The following CCDC71 variants were observed in gnomAD, a reference collection of about 807,000 sequenced individuals.
CCDC71 encodes the protein coiled-coil domain containing 71, also known as coiled-coil domain-containing protein 71.
For missense variants in CCDC71, 594 were observed against 604.0 expected, an observed-to-expected ratio of 0.98 and a Z score of 0.17; for synonymous variants, 257 against 242.2, an observed-to-expected ratio of 1.06 and a Z score of -0.57.
rs749539799 is a variant in CCDC71, at chr3:49,163,187, T to TTGGCCC, written c.1016_1021dup (p.Ala340_Lys341insArgAla). 2 of 1,569,320 alleles carry TTGGCCC rather than the reference T, an allele frequency of 1.3e-6. No homozygotes were observed. The highest frequency in any genetic ancestry group is 8.7e-7 in the Non-Finnish European group (1 of 1,148,018). On this transcript the variant is annotated inframe_insertion, in exon 2 of 2. Coordinates refer to ENST00000321895, the MANE Select transcript of CCDC71 (RefSeq NM_022903.4). ...TACTGCCTTGGCTTTAGCCTTGGCC[T>TTGGCCC]TGGCCCATGCTGCCATGACTTTGGC...
Position 49,164,159 on chromosome 3 carries a change from G to A in CCDC71, c.50C>T (p.Ser17Leu). Residue 17 changes from serine (S) to leucine (L), a missense_variant, in exon 2 of 2, where the codon TCG becomes TTG. Ser to Leu is a moderately radical substitution (Grantham distance 145). Coordinates refer to ENST00000321895, the MANE Select transcript of CCDC71 (RefSeq NM_022903.4). Reference sequence around the variant, plus strand: ...CTTCTTCCCTGCCGTGGAGATGCGCGACCAGGAGTGCACAGCTTTTTCCTC... The same window carrying A: ...CTTCTTCCCTGCCGTGGAGATGCGCAACCAGGAGTGCACAGCTTTTTCCTC... ...HVEEKAVHSW[S>L]RISTAGKKAL... 1.9e-6 allele frequency: 3 copies of A among 1,613,310 alleles called. No individual in the cohort carries two copies. The highest frequency in any genetic ancestry group is 2.5e-6 in the Non-Finnish European group (3 of 1,179,914).
At position 49,162,905 on chromosome 3, in the gene CCDC71, G is replaced by A; in HGVS notation, c.1304C>T (p.Ser435Phe). Residue 435 changes from serine (S) to phenylalanine (F), a missense_variant, in exon 2 of 2, where the codon TCC becomes TTC. Ser to Phe is a radical substitution (Grantham distance 155). Coordinates refer to ENST00000321895, the MANE Select transcript of CCDC71 (RefSeq NM_022903.4). ...CCGCTGCCGCACCTCATCATCCGAGGACCGCCTATCTACCTTTATGGCACG... is the reference window on the plus strand; with the variant it reads ...CCGCTGCCGCACCTCATCATCCGAGAACCGCCTATCTACCTTTATGGCACG... ...KFRAIKVDRR[S>F]SDDEVRQRAQ... 2.4e-5 allele frequency: 38 copies of A among 1,614,258 alleles called. No homozygotes were observed. Among genetic ancestry groups the A allele is most frequent in the Non-Finnish European group, 3.1e-5 (37 of 1,180,052 alleles).
chr3:49,164,998 G>GA (rs1193152926), intron 1 of CCDC71, among the ~76,000 whole-genome samples: 7 of 152,066 alleles, frequency 4.6e-5, no homozygotes, highest in Non-Finnish European at 8.8e-5. Flanking sequence ...TGGGGTGGGG[G>GA]AATCTCCCTG....
rs777888455 is a variant in CCDC71, at chr3:49,163,404, G to A, written c.805C>T (p.Arg269Ter). 4 of 1,613,974 alleles carry A rather than the reference G, an allele frequency of 2.5e-6. No individual in the cohort carries two copies. Among genetic ancestry groups the A allele is most frequent in the East Asian group, 2.2e-5 (1 of 44,876 alleles). ...CCCAGGGCAGAGCCCCCTTTCATTCGCCGGACACTGGGGGACCCAGTGGCT... is the reference window on the plus strand; with the variant it reads ...CCCAGGGCAGAGCCCCCTTTCATTCACCGGACACTGGGGGACCCAGTGGCT... ...NRATGSPSVR[R>*]MKGGSALGTK... The change falls in exon 2 of 2, where the codon CGA becomes TGA. Residue 269 changes from arginine (R) to a stop codon, truncating the protein, a stop_gained. Transcript: ENST00000321895. LOFTEE classifies it low-confidence loss of function (END_TRUNC).
In CCDC71 at chr3:49,163,973, T is replaced by C; in HGVS notation, c.236A>G (p.Asn79Ser). The C allele has an allele frequency of 6.2e-7, 1 of 1,614,092 alleles. No homozygotes were observed. Among genetic ancestry groups the C allele is most frequent in the Admixed American group, 1.7e-5 (1 of 60,016 alleles). The change falls in exon 2 of 2, where the codon AAT (asparagine) becomes AGT (serine). Residue 79 changes from asparagine to serine, a missense_variant. Coordinates refer to ENST00000321895, the MANE Select transcript of CCDC71 (RefSeq NM_022903.4). ...TTGCAGTTTCGTCTGGCTTGGGGGA[T>C]TAGCTGTGCATGAACTATAGCCATA... Reference protein sequence around the residue: ...DVYGYSSCTANPPSQTKLQAR... With the variant: ...DVYGYSSCTASPPSQTKLQAR...
chr3:49,164,935 T>C (rs1177425600), intron 1 of CCDC71, among the ~76,000 whole-genome samples: 1 of 152,220 alleles, frequency 6.6e-6, no homozygotes, highest in East Asian at 1.9e-4. Context: ...TTACACCCAC[T>C]GTCCATGCCC....
At chr3:49,165,815 G>C (rs1483767244) in intron 1 of CCDC71, among the ~76,000 whole-genome samples, 1 of 152,270 alleles carries the variant, frequency 6.6e-6, no homozygotes, top group Non-Finnish European at 1.5e-5. Flanking sequence ...CTTCCACCCA[G>C]GTTAGGCTGG....
Position 49,163,162 on chromosome 3 carries a change from T to C in CCDC71, c.1047A>G (p.Val349=), listed in dbSNP as rs764852402. 9 of 1,579,346 alleles carry C rather than the reference T, an allele frequency of 5.7e-6. No homozygotes were observed. In the Admixed American group the frequency reaches 1.4e-4, roughly 24 times the overall value. The part of the protein sequence containing the change: ...WAKAKAKAKA[V]RAKAKVARTQ... Reference sequence around the variant, plus strand: ...TCCGAGCCACCTTGGCCTTGGCCCGTACTGCCTTGGCTTTAGCCTTGGCCT... The same window carrying C: ...TCCGAGCCACCTTGGCCTTGGCCCGCACTGCCTTGGCTTTAGCCTTGGCCT... Residue 349 remains valine (V), a synonymous_variant, in exon 2 of 2, where the codon GTA becomes GTG. Coordinates refer to ENST00000321895, the MANE Select transcript of CCDC71 (RefSeq NM_022903.4).
In CCDC71 at chr3:49,163,154, T is replaced by A; in HGVS notation, c.1055A>T (p.Lys352Met). 1 of 1,613,094 alleles carries A rather than the reference T, an allele frequency of 6.2e-7. No individual in the cohort carries two copies. Among genetic ancestry groups the A allele is most frequent in the Non-Finnish European group, 8.5e-7 (1 of 1,179,082 alleles). ...AKAKAKAVRA[K>M]AKVARTQPRG... ...GGGCTGGGTCCGAGCCACCTTGGCC[T>A]TGGCCCGTACTGCCTTGGCTTTAGC... The change falls in exon 2 of 2, where the codon AAG becomes ATG. Residue 352 changes from lysine to methionine, a missense_variant. Transcript: ENST00000321895.
At position 49,164,105 on chromosome 3, in the gene CCDC71, T is replaced by G; in HGVS notation, c.104A>C (p.Asn35Thr). The change falls in exon 2 of 2, where the codon AAC (asparagine) becomes ACC (threonine). Residue 35 changes from asparagine to threonine, a missense_variant. Coordinates refer to ENST00000321895, the MANE Select transcript of CCDC71 (RefSeq NM_022903.4). The stretch of plus-strand genomic sequence containing the variant: ...GGCACTGAGATCCTGGCTCATTGGG[T>G]TAAAGACAAGCAGTGCCTCTTCCAG... ...KALEEALLVF[N>T]PMSQDLSATE... is the part of the protein sequence containing the mutation. The G allele has an allele frequency of 6.2e-7, 1 of 1,613,684 alleles. No individual in the cohort carries two copies. Among genetic ancestry groups the G allele is most frequent in the Non-Finnish European group, 8.5e-7 (1 of 1,179,908 alleles).
rs774281674 is a variant in CCDC71 at position 49,163,943 on chromosome 3, C to T, written c.266G>A (p.Arg89His). 5.0e-6 allele frequency: 8 copies of T among 1,614,006 alleles called. No individual in the cohort carries two copies. Among genetic ancestry groups the T allele is most frequent in the African/African-American group, 1.3e-5 (1 of 74,900 alleles). Residue 89 changes from arginine (R) to histidine (H), a missense_variant, in exon 2 of 2, where the codon CGT (arginine) becomes CAT (histidine). Transcript: ENST00000321895. ...NPPSQTKLQA[R>H]APNPTATSPP... is the part of the protein sequence containing the mutation. Reference sequence around the variant, plus strand: ...TGATGTGGCAGTTGGGTTAGGGGCACGAGCTTGCAGTTTCGTCTGGCTTGG... The same window carrying T: ...TGATGTGGCAGTTGGGTTAGGGGCATGAGCTTGCAGTTTCGTCTGGCTTGG...
At position 49,162,621 on chromosome 3, in the gene CCDC71, T is replaced by TG; in HGVS notation, c.*183_*184insC. 9 of 28,832 alleles carry TG rather than the reference T, an allele frequency of 3.1e-4. 2 individuals carry two copies. Among genetic ancestry groups the TG allele is most frequent in the East Asian group, 8.2e-4 (1 of 1,222 alleles). 1.8% of individuals were successfully genotyped at this position (28,832 alleles called of 1,614,324 possible). A position where few individuals can be genotyped will look rare whatever the true frequency, so the allele number is the denominator to read the frequency against. ...GTGCATCGCGCCATGAAAACACCCC[T>TG]CCCGCCCACCCACCCCACCGTACCC... is the stretch of plus-strand genomic sequence containing the variant. On this transcript the variant is annotated 3_prime_UTR_variant, in exon 2 of 2. Transcript: ENST00000321895.
In CCDC71 at chr3:49,163,543, G is replaced by A. The variant is rs760008905; in HGVS notation, c.666C>T (p.Asn222=). The A allele has an allele frequency of 1.9e-6, 3 of 1,614,098 alleles. No individual in the cohort carries two copies. The African/African-American group carries it at 4.0e-5, about 22-fold the overall frequency. Residue 222 remains asparagine, a synonymous_variant, in exon 2 of 2, where the codon AAC becomes AAT. Transcript: ENST00000321895. ...TTTTTCTGGGAGCTTTGGGCCGAGGGTTCCCCGGACCCTTCCCTGAACTTT... is the reference window on the plus strand; with the variant it reads ...TTTTTCTGGGAGCTTTGGGCCGAGGATTCCCCGGACCCTTCCCTGAACTTT... The part of the protein sequence containing the change: ...LRKSSGKGPG[N]PRPKAPRKTT...
At position 49,164,111 on chromosome 3, in the gene CCDC71, A is replaced by G; in HGVS notation, c.98T>C (p.Val33Ala). ...GKKALEEALL[V>A]FNPMSQDLSA... ...GAGATCCTGGCTCATTGGGTTAAAG[A>G]CAAGCAGTGCCTCTTCCAGGGCCTT... Residue 33 changes from valine to alanine, a missense_variant, in exon 2 of 2, where the codon GTC becomes GCC. Physicochemically the swap from Val to Ala is moderately conservative, Grantham distance 64. Transcript: ENST00000321895. 1 of 1,613,948 alleles carries G rather than the reference A, an allele frequency of 6.2e-7. No homozygotes were observed. Among genetic ancestry groups the G allele is most frequent in the Non-Finnish European group, 8.5e-7 (1 of 1,180,014 alleles).
rs1247609869 is a variant in CCDC71, at chr3:49,165,086, T to G, written c.-52-826A>C. Among the ~76,000 whole-genome samples, 3 of 152,174 alleles carry G rather than the reference T, an allele frequency of 2.0e-5. No homozygotes were observed. The East Asian group carries it at 5.8e-4, about 29-fold the overall frequency. ...TTCTAGCTCCAGAGGCATGGAGACC[T>G]AATCAAGAGTCGGACTTTTCTTCAA... is the stretch of plus-strand genomic sequence containing the variant. On this transcript the variant is annotated intron_variant, in intron 1 of 1. Transcript: ENST00000321895.
rs1204897111 is a variant in CCDC71 at position 49,163,804 on chromosome 3, C to T, written c.405G>A (p.Lys135=). The change falls in exon 2 of 2, where the codon AAG becomes AAA. Residue 135 remains lysine, a synonymous_variant. Coordinates refer to ENST00000321895, the MANE Select transcript of CCDC71 (RefSeq NM_022903.4). The part of the protein sequence containing the change: ...LAKASTPALA[K]HATTNLLLSS... Reference sequence around the variant, plus strand: ...TCAGCAGCAGGTTGGTGGTAGCATGCTTGGCAAGGGCTGGTGTGGATGCTT... The same window carrying T: ...TCAGCAGCAGGTTGGTGGTAGCATGTTTGGCAAGGGCTGGTGTGGATGCTT... The T allele has an allele frequency of 6.2e-7, 1 of 1,614,038 alleles. No individual in the cohort carries two copies. The highest frequency in any genetic ancestry group is 1.3e-5 in the African/African-American group (1 of 74,904).
rs772363214 is a variant in CCDC71, at chr3:49,163,606, C to T, written c.603G>A (p.Leu201=). 9 of 1,614,090 alleles carry T rather than the reference C, an allele frequency of 5.6e-6. No individual in the cohort carries two copies. In the Admixed American group the frequency reaches 1.3e-4, roughly 24 times the overall value. ...CLGAKHKAQS[L]QLSLADSPLK... The stretch of plus-strand genomic sequence containing the variant: ...GAGGAGAGTCTGCAAGTGAGAGCTG[C>T]AGTGACTGTGCCTTGTGCTTGGCAC... Residue 201 remains leucine (L), a synonymous_variant, in exon 2 of 2, where the codon CTG becomes CTA. Coordinates refer to ENST00000321895, the MANE Select transcript of CCDC71 (RefSeq NM_022903.4).
chr3:49,163,384 G>A lies in CCDC71; in HGVS notation c.825C>T (p.Ala275=). ...PSVRRMKGGS[A]LGTKTAQAKV... is the part of the protein sequence containing the mutation. ...TGGCCTGGGCTGTTTTGGTGCCCAGGGCAGAGCCCCCTTTCATTCGCCGGA... is the reference window on the plus strand; with the variant it reads ...TGGCCTGGGCTGTTTTGGTGCCCAGAGCAGAGCCCCCTTTCATTCGCCGGA... The change falls in exon 2 of 2, where the codon GCC becomes GCT. Residue 275 remains alanine (A), a synonymous_variant. Transcript: ENST00000321895. 2 of 1,614,070 alleles carry A rather than the reference G, an allele frequency of 1.2e-6. No individual in the cohort carries two copies. Among genetic ancestry groups the A allele is most frequent in the South Asian group, 1.1e-5 (1 of 91,086 alleles).
rs1420164663 is a variant in CCDC71, at chr3:49,163,244, G to A, written c.965C>T (p.Ala322Val). ...KAKAAQVKAKAKAKAAQVKAK... is the reference protein window; with the variant it reads ...KAKAAQVKAKVKAKAAQVKAK... ...CTTGACCTGTGCTGCCTTAGCTTTG[G>A]CCTTAGCCTTGACCTGTGCTGCCTT... The change falls in exon 2 of 2, where the codon GCC becomes GTC. Residue 322 changes from alanine (A) to valine (V), a missense_variant. Ala to Val is a moderately conservative substitution (Grantham distance 64, BLOSUM62 0). Transcript: ENST00000321895. 5.7e-6 allele frequency: 9 copies of A among 1,571,420 alleles called. No individual in the cohort carries two copies. Among genetic ancestry groups the A allele is most frequent in the Non-Finnish European group, 7.0e-6 (8 of 1,148,420 alleles).
Sources: gnomAD v4.1 joint callset for allele counts (sites outside exome capture counted in the v4.1 genomes callset) on GRCh38, gnomAD v4.1.1 for gene constraint, MANE v1.5 for transcripts, NCBI Gene and HGNC (gene_info 2026-07-23, HGNC 2026-07-21) for gene names.